The following RBFOX1 variants were observed in gnomAD, a reference collection of about 807,000 sequenced individuals.
RBFOX1 encodes RNA binding fox-1 homolog 1.
A neutral mutation model predicts 57.7 loss-of-function variants in RBFOX1; 8 were observed. The ratio of observed to expected loss-of-function variants is 0.14; its 90% CI spans 0.08 to 0.25. The LOEUF (loss-of-function observed/expected upper bound fraction) is 0.25, where lower values mean the gene tolerates loss of function less well. Ranked by LOEUF, RBFOX1 falls within the 10% of genes least tolerant of loss-of-function variation. The pLI, the probability that RBFOX1 is intolerant of heterozygous loss-of-function variation, is 1.00. For synonymous variants in RBFOX1, 326 were observed against 222.4 expected (o/e 1.47, Z -4.15); for missense variants, 611 against 548.5 (o/e 1.11, Z -1.14).
intron 4 of RBFOX1, among the ~76,000 whole-genome samples, chr16:7,245,554 G>T (rs189207159): frequency 6.6e-6 from 1 of 152,126 alleles, no homozygotes; most frequent in Non-Finnish European, 1.5e-5. Context: ...TAATCAACAA[G>T]ACAAAAATAA....
At chr16:7,169,544 A>G (rs1231301045) in intron 4 of RBFOX1, among the ~76,000 whole-genome samples, 1 of 152,208 alleles carries the variant, frequency 6.6e-6, no homozygotes, top group Admixed American at 6.5e-5. Context: ...ATCCCCTTGT[A>G]GAAAAACAGT....
chr16:5,498,237 C>T (rs753798022), intron 2 of RBFOX1, among the ~76,000 whole-genome samples: 4 of 152,262 alleles, frequency 2.6e-5, no homozygotes, highest in South Asian at 2.1e-4. Flanking sequence ...CTGCTTCCCA[C>T]GTTCAAGCAG....
rs7194703 is a variant in RBFOX1 at position 5,731,099 on chromosome 16, C to T, written c.318+132138C>T. ...TCACCATCACCATCAACATCATTGT[C>T]CTCATAAATATCACCATCATCACTG... is the stretch of plus-strand genomic sequence containing the variant. On this transcript the variant is annotated intron_variant, in intron 3 of 19. Transcript: ENST00000641259. Among the ~76,000 whole-genome samples the T allele has an allele frequency of 7.0e-3, 1,065 of 152,228 alleles. 7 individuals carry two copies. Among genetic ancestry groups the T allele is most frequent in the African/African-American group, 0.024 (987 of 41,530 alleles).
intron 2 of RBFOX1, among the ~76,000 whole-genome samples, chr16:6,505,717 C>A (rs1275722547): frequency 6.6e-6 from 1 of 152,190 alleles, no homozygotes; most frequent in Non-Finnish European, 1.5e-5. Context: ...CTCTTTGGTA[C>A]AGACTAAAAA....
chr16:7,178,014 C>A (rs1286687464), intron 4 of RBFOX1, among the ~76,000 whole-genome samples: 4 of 152,184 alleles, frequency 2.6e-5, no homozygotes, highest in African/African-American at 9.7e-5. Flanking sequence ...TTCAGAATCT[C>A]TGAGAGTAAA....
At chr16:6,235,073 A>C (rs151019504) in intron 1 of RBFOX1, among the ~76,000 whole-genome samples, 113 of 152,300 alleles carry the variant, frequency 7.4e-4, no homozygotes, top group African/African-American at 2.2e-3. Flanking sequence ...TTCAGTTTGC[A>C]GGATATGGAA....
chr16:7,108,023 G>C (rs376956768), intron 4 of RBFOX1, among the ~76,000 whole-genome samples: 3 of 151,296 alleles, frequency 2.0e-5, no homozygotes, highest in South Asian at 2.1e-4. Context: ...ATAAGATTGG[G>C]GGGGAGAGGG....
chr16:5,605,389 G>A (rs570674548), intron 3 of RBFOX1, among the ~76,000 whole-genome samples: 1 of 152,326 alleles, frequency 6.6e-6, no homozygotes, highest in Non-Finnish European at 1.5e-5. Context: ...AGATGGGAGT[G>A]GAGGTTAGAC....
chr16:5,974,304 C>G (rs934040229), intron 4 of RBFOX1, among the ~76,000 whole-genome samples: 43 of 152,232 alleles, frequency 2.8e-4, no homozygotes, highest in Admixed American at 1.5e-3. Flanking sequence ...AAGAGAGAAA[C>G]ATACCTGATT....
intron 1 of RBFOX1, among the ~76,000 whole-genome samples, chr16:5,318,859 A>T (rs931385412): frequency 3.3e-5 from 5 of 152,194 alleles, no homozygotes; most frequent in Admixed American, 6.5e-5. Context: ...GGGGTTGGGC[A>T]TGGTGGCTCA....
chr16:7,053,936 T>G (rs2050999786), intron 4 of RBFOX1, among the ~76,000 whole-genome samples: 1 of 152,046 alleles, frequency 6.6e-6, no homozygotes, highest in Non-Finnish European at 1.5e-5. Context: ...TATATAGGGT[T>G]CAAAATTTAA....
Position 6,186,724 on chromosome 16 carries a change from C to T in RBFOX1, c.-126-130271C>T, listed in dbSNP as rs117796406. ...TAGCAATGGGCATGTCTGGAGATGA[C>T]GTTGACCTTGCCTCTAGGAGGGGAG... On this transcript the variant is annotated intron_variant, in intron 1 of 15. Coordinates refer to ENST00000550418, the MANE Select transcript of RBFOX1 (RefSeq NM_018723.4). 3.5e-4 allele frequency among the ~76,000 whole-genome samples: 53 copies of T among 152,224 alleles called. No individual in the cohort carries two copies. The East Asian group carries it at 9.5e-3, about 27-fold the overall frequency.
chr16:7,482,804 T>C (rs1209164142), intron 4 of RBFOX1, among the ~76,000 whole-genome samples: 1 of 152,062 alleles, frequency 6.6e-6, no homozygotes, highest in Non-Finnish European at 1.5e-5. Context: ...AAATGAGTCC[T>C]CCCACAAGCT....
chr16:7,313,711 CA>C (rs5815391), intron 4 of RBFOX1, among the ~76,000 whole-genome samples: 115,492 of 151,924 alleles, frequency 0.76, 44,012 homozygotes, highest in East Asian at 0.94. Context: ...TAATCCCCCA[CA>C]AAAAAAGCCT....
At chr16:6,754,193 C>T (rs1851432869) in intron 3 of RBFOX1, among the ~76,000 whole-genome samples, 1 of 152,182 alleles carries the variant, frequency 6.6e-6, no homozygotes, top group Non-Finnish European at 1.5e-5. Flanking sequence ...ACTCAGGCAG[C>T]TACAGCTAGG....
At chr16:7,091,918 T>C (rs1055529745) in intron 4 of RBFOX1, among the ~76,000 whole-genome samples, 5 of 152,224 alleles carry the variant, frequency 3.3e-5, no homozygotes, top group African/African-American at 1.2e-4. Flanking sequence ...GCCAGTTTAA[T>C]TTAAGGTCTT....
At chr16:7,056,648 T>C (rs770838152) in intron 4 of RBFOX1, among the ~76,000 whole-genome samples, 7 of 152,138 alleles carry the variant, frequency 4.6e-5, no homozygotes, top group Non-Finnish European at 8.8e-5. Flanking sequence ...TGTATGTTCA[T>C]AGGGTGGGAG....
At chr16:7,071,071 C>A (rs2057237396) in intron 4 of RBFOX1, among the ~76,000 whole-genome samples, 1 of 152,174 alleles carries the variant, frequency 6.6e-6, no homozygotes, top group Admixed American at 6.5e-5. Flanking sequence ...CCTATCTTTA[C>A]TCAAAGCCTG....
intron 3 of RBFOX1, among the ~76,000 whole-genome samples, chr16:6,846,251 C>G (rs1250843507): frequency 6.6e-6 from 1 of 152,158 alleles, no homozygotes; most frequent in Non-Finnish European, 1.5e-5. Context: ...GCTTCACCTC[C>G]TATTACGTGA....
Sources: allele counts gnomAD v4.1 joint callset (sites outside exome capture counted in the v4.1 genomes callset), GRCh38; gene constraint gnomAD v4.1.1; transcripts MANE v1.5; gene names NCBI Gene and HGNC (gene_info 2026-07-23, HGNC 2026-07-21).